The following PCDHA7 variants were observed in gnomAD, a reference collection of about 807,000 sequenced individuals.
PCDHA7 encodes protocadherin alpha-7.
In PCDHA7, 37 loss-of-function variants were observed where a neutral mutation model predicts 57.2. The observed-to-expected ratio is 0.65, with a 90% CI of 0.50 to 0.85. The LOEUF is 0.85. Among genes scored for constraint, PCDHA7 ranks in the 40% least tolerant of loss-of-function variants. The pLI is 0.00. For missense variants in PCDHA7, 1,188 were observed against 1,241.8 expected (o/e 0.96, Z 0.65); for synonymous variants, 553 against 558.8 (o/e 0.99, Z 0.15).
chr5:140,923,959 C>A (rs2153570659), intron 1 of PCDHA7, among the ~76,000 whole-genome samples: 1 of 152,348 alleles, frequency 6.6e-6, no homozygotes, highest in Non-Finnish European at 1.5e-5. Context: ...ACGCCCTAAT[C>A]TATACCCACA....
intron 1 of PCDHA7, among the ~76,000 whole-genome samples, chr5:140,837,794 A>C (rs1554136640): frequency 1.3e-5 from 2 of 151,558 alleles, no homozygotes; most frequent in African/African-American, 4.9e-5. Flanking sequence ...CTCCCATCTC[A>C]GCCTCTGGAG....
chr5:140,843,665 T>G (rs2150364674), intron 1 of PCDHA7: 2 of 1,593,538 alleles, frequency 1.3e-6, no homozygotes, highest in South Asian at 1.1e-5. Flanking sequence ...TGATCTGGGA[T>G]CAGTTGATGT....
chr5:140,882,364 C>G (rs1582611912), intron 1 of PCDHA7: 13 of 1,614,244 alleles, frequency 8.1e-6, no homozygotes, highest in Non-Finnish European at 1.1e-5. Flanking sequence ...GCCAGCTCCA[C>G]TACTCCGTCC....
chr5:140,929,085 G>A, intron 1 of PCDHA7: 1 of 1,614,174 alleles, frequency 6.2e-7, no homozygotes, highest in Non-Finnish European at 8.5e-7. Flanking sequence ...GAAGTAAGAT[G>A]GTTTCAAATC....
intron 1 of PCDHA7, chr5:140,861,255 C>T (rs533071435): frequency 3.0e-5 from 5 of 166,616 alleles, no homozygotes; most frequent in African/African-American, 4.8e-5. Context: ...GGCCAGGAAT[C>T]CCGGAGCCTA....
intron 1 of PCDHA7, chr5:140,876,837 C>T (rs782753877): frequency 1.9e-6 from 3 of 1,614,148 alleles, no homozygotes; most frequent in Admixed American, 3.3e-5. Context: ...CGCCTGCGTT[C>T]GCGCAGCCCG....
chr5:140,927,516 C>G (rs782661477), intron 1 of PCDHA7: 22 of 1,614,066 alleles, frequency 1.4e-5, no homozygotes, highest in Non-Finnish European at 1.8e-5. Flanking sequence ...CTCGGGACGG[C>G]GGGCTACCTG....
chr5:140,933,137 A>C (rs1378585369), intron 1 of PCDHA7, among the ~76,000 whole-genome samples: 1 of 151,994 alleles, frequency 6.6e-6, no homozygotes, highest in African/African-American at 2.4e-5. Context: ...ATAAAGGTAG[A>C]TAGCCACTCA....
At chr5:140,897,833 C>T (rs1366388258) in intron 1 of PCDHA7, among the ~76,000 whole-genome samples, 14 of 152,138 alleles carry the variant, frequency 9.2e-5, no homozygotes, top group African/African-American at 3.4e-4. Flanking sequence ...TATTTCTCCA[C>T]ATCCTCTCCA....
Position 141,000,421 on chromosome 5 carries a change from A to ATTTTTTT in PCDHA7, c.2504-9189_2504-9183dup, listed in dbSNP as rs34755515. Among the ~76,000 whole-genome samples the ATTTTTTT allele has an allele frequency of 5.7e-4, 16 of 27,980 alleles. 1 individual carries two copies. Among genetic ancestry groups the ATTTTTTT allele is most frequent in the African/African-American group, 8.9e-4 (5 of 5,638 alleles). 18.4% of individuals were successfully genotyped at this position (27,980 alleles called of 152,430 possible). ...TATATATATATATATATATATATAT[A>ATTTTTTT]TTTTTTTTTTTTTTTTTTTTTTTGA... On this transcript the variant is annotated intron_variant, in intron 3 of 3. Coordinates refer to ENST00000525929, the MANE Select transcript of PCDHA7 (RefSeq NM_018910.3).
At chr5:140,937,302 G>T (rs1554211521) in intron 1 of PCDHA7, among the ~76,000 whole-genome samples, 4 of 152,094 alleles carry the variant, frequency 2.6e-5, no homozygotes, top group African/African-American at 9.7e-5. Flanking sequence ...CTCCCAAAGT[G>T]CTGGGATTAC....
At chr5:140,967,226 C>G (rs782350843) in intron 1 of PCDHA7, 1 of 1,613,746 alleles carries the variant, frequency 6.2e-7, no homozygotes, top group Non-Finnish European at 8.5e-7. Flanking sequence ...GCCCAACTAC[C>G]AGCTTCAGGT....
At chr5:140,967,456 G>C in intron 1 of PCDHA7, 1 of 1,613,598 alleles carries the variant, frequency 6.2e-7, no homozygotes, top group Non-Finnish European at 8.5e-7. Context: ...TCACAGCCGT[G>C]GATGGGGGCA....
rs2098421039 is a variant in PCDHA7, at chr5:141,011,549, G to GA, written c.*1615dup. 1 of 153,674 alleles carries GA rather than the reference G, an allele frequency of 6.5e-6. No individual in the cohort carries two copies. The highest frequency in any genetic ancestry group is 1.5e-5 in the Non-Finnish European group (1 of 68,008). The allele number at this position is 153,674 out of a possible 1,614,324, so 9.5% of individuals were successfully genotyped here. A position where few individuals can be genotyped will look rare whatever the true frequency, so the allele number is the denominator to read the frequency against. Reference sequence around the variant, plus strand: ...CCATTGTTAATCAGCTTTTGTGTATGAAAGACACAGTAAAATTTCTTTCTT... The same window carrying GA: ...CCATTGTTAATCAGCTTTTGTGTATGAAAAGACACAGTAAAATTTCTTTCTT... On this transcript the variant is annotated 3_prime_UTR_variant, in exon 4 of 4. Coordinates refer to ENST00000525929, the MANE Select transcript of PCDHA7 (RefSeq NM_018910.3).
In PCDHA7 at chr5:140,869,551, T is replaced by A. The variant is rs570153514; in HGVS notation, c.2355+32813T>A. On this transcript the variant is annotated intron_variant, in intron 1 of 3. Coordinates refer to ENST00000525929, the MANE Select transcript of PCDHA7 (RefSeq NM_018910.3). ...GATTGCGGAATCTAAGCAATCGGAC[T>A]CGCGTTTTCCACTAGAGGGAGCTTC... 3.1e-6 allele frequency: 5 copies of A among 1,614,218 alleles called. No individual in the cohort carries two copies. The East Asian group carries it at 6.7e-5, about 22-fold the overall frequency.
intron 1 of PCDHA7, chr5:140,882,094 C>A: frequency 2.6e-6 from 3 of 1,172,678 alleles, no homozygotes; most frequent in Non-Finnish European, 3.5e-6. Flanking sequence ...TCACTGAGAA[C>A]GTTTCCGCGA....
At chr5:140,975,750 CTA>C (rs2096680444) in intron 1 of PCDHA7, among the ~76,000 whole-genome samples, 2 of 152,118 alleles carry the variant, frequency 1.3e-5, no homozygotes, top group African/African-American at 4.8e-5. Flanking sequence ...CTCAAATATT[CTA>C]TGTCATAAAT....
intron 1 of PCDHA7, chr5:140,967,749 C>A (rs1554229896): frequency 1.2e-6 from 2 of 1,614,172 alleles, no homozygotes; most frequent in Non-Finnish European, 1.7e-6. Context: ...TATGAGGAAG[C>A]CTCCTCCTAC....
At chr5:140,884,130 C>G (rs1554181258) in intron 1 of PCDHA7, 4 of 1,613,434 alleles carry the variant, frequency 2.5e-6, no homozygotes, top group African/African-American at 1.3e-5. Context: ...GCGCGCATCC[C>G]GTTCCGCGTG....
Sources: allele counts gnomAD v4.1 joint callset (sites outside exome capture counted in the v4.1 genomes callset), GRCh38; gene constraint gnomAD v4.1.1; transcripts MANE v1.5; gene names NCBI Gene and HGNC (gene_info 2026-07-23, HGNC 2026-07-21).